KIF15: variants seen among roughly 807,000 people sequenced by gnomAD.
The protein encoded by KIF15 is kinesin-like protein KIF15.
A neutral mutation model predicts 190.6 loss-of-function variants in KIF15; 140 were observed. That is an observed-to-expected ratio of 0.73 (90% confidence interval 0.64 to 0.84). The LOEUF is 0.84. KIF15 is among the 40% of genes least tolerant of loss of function. The pLI is 0.00. For synonymous variants in KIF15, 528 were observed against 551.3 expected (o/e 0.96, Z 0.59); for missense variants, 1,372 against 1,584.4 (o/e 0.87, Z 2.28).
In KIF15 at chr3:44,802,813, G is replaced by C; in HGVS notation, c.1510-1G>C. The C allele has an allele frequency of 6.4e-7, 1 of 1,561,462 alleles. No individual in the cohort carries two copies. Among genetic ancestry groups the C allele is most frequent in the Non-Finnish European group, 8.6e-7 (1 of 1,161,776 alleles). On this transcript the variant is annotated splice_acceptor_variant, in intron 13 of 34. Transcript: ENST00000326047. LOFTEE classifies it high-confidence loss of function. Reference sequence around the variant, plus strand: ...ATGCGTGTAATTCTTCTATGTCACAGATAGAGCACCACCCCAGAGTTGCAA... The same window carrying C: ...ATGCGTGTAATTCTTCTATGTCACACATAGAGCACCACCCCAGAGTTGCAA...
intron 14 of KIF15, 39 bp from the exon 15 acceptor site, chr3:44,804,985 GAAA>G (rs375427715): frequency 4.2e-4 from 568 of 1,347,054 alleles, no homozygotes; most frequent in African/African-American, 1.4e-3. Flanking sequence ...CCCTGTCTCA[GAAA>G]AAAAAAAAAA....
chr3:44,799,762 T>TAAA lies in KIF15; in HGVS notation c.1099-537_1099-535dup, dbSNP rs767515029. Among the ~76,000 whole-genome samples the TAAA allele has an allele frequency of 1.1e-3, 121 of 110,276 alleles. 1 individual carries two copies. Among genetic ancestry groups the TAAA allele is most frequent in the Admixed American group, 1.8e-3 (20 of 10,966 alleles). The allele number at this position is 110,276 out of a possible 152,430, so 72.3% of individuals were successfully genotyped here. A position where few individuals can be genotyped will look rare whatever the true frequency, so the allele number is the denominator to read the frequency against. ...ATAATCATTTAGTGTGGTAAAAAAT[T>TAAA]AAAAAAAAAAAAAAAAAGGAAGTGT... On this transcript the variant is annotated intron_variant, in intron 10 of 34. Transcript: ENST00000326047.
At chr3:44,839,890 G>A (rs922122494) in intron 27 of KIF15, among the ~76,000 whole-genome samples, 17 of 152,134 alleles carry the variant, frequency 1.1e-4, no homozygotes, top group African/African-American at 4.1e-4. Context: ...ATTTCATTGT[G>A]TATATATATA....
Position 44,812,214 on chromosome 3 carries a change from TGAA to T in KIF15, c.2208_2210del (p.Glu737del). 1.2e-6 allele frequency: 2 copies of T among 1,614,072 alleles called. No homozygotes were observed. The highest frequency in any genetic ancestry group is 1.7e-6 in the Non-Finnish European group (2 of 1,179,998). On this transcript the variant is annotated inframe_deletion, in exon 18 of 35. Coordinates refer to ENST00000326047, the MANE Select transcript of KIF15 (RefSeq NM_020242.3). ...TGAGTGCTCTTCAAGCCAAACTGGA[TGAA>T]GAAGAGCATAAAAACCTAAAGCTTC...
chr3:44,827,095 C>A, intron 22 of KIF15: 1 of 454,946 alleles, frequency 2.2e-6, no homozygotes, highest in Admixed American at 2.4e-5. Flanking sequence ...ATCCAACAAG[C>A]CAGGCACTGA....
chr3:44,866,124 G>C (rs1007764893), intron 6 of KIF15, among the ~76,000 whole-genome samples: 1 of 149,446 alleles, frequency 6.7e-6, no homozygotes, highest in African/African-American at 2.5e-5. Context: ...CCAGGCTGGA[G>C]TGCAGTGGCG....
intron 5 of KIF15, among the ~76,000 whole-genome samples, chr3:44,782,345 A>C (rs1051405592): frequency 6.6e-6 from 1 of 152,242 alleles, no homozygotes; most frequent in Non-Finnish European, 1.5e-5. Context: ...TACAGGCAGA[A>C]GCCACTGCAC....
intron 7 of KIF15, among the ~76,000 whole-genome samples, chr3:44,792,065 A>ATC (rs112060223): frequency 0.58 from 88,281 of 151,054 alleles, 26,194 homozygotes; most frequent in East Asian, 0.89. Flanking sequence ...AGTTTGGAGG[A>ATC]TCTCTCTCTC....
At chr3:44,847,184 G>C (rs1698885371) in intron 30 of KIF15, among the ~76,000 whole-genome samples, 1 of 152,152 alleles carries the variant, frequency 6.6e-6, no homozygotes, top group South Asian at 2.1e-4. Flanking sequence ...TTTGTTAAGG[G>C]AAAGAAACCT....
chr3:44,865,458 T>C (rs1013673899), intron 6 of KIF15: 2 of 443,084 alleles, frequency 4.5e-6, no homozygotes, highest in Admixed American at 3.3e-5. Context: ...ATCCTGGGGT[T>C]GGTCTGCTTT....
At chr3:44,860,407 G>A (rs1037690384) in intron 6 of KIF15, among the ~76,000 whole-genome samples, 9 of 152,082 alleles carry the variant, frequency 5.9e-5, no homozygotes, top group African/African-American at 1.7e-4. Flanking sequence ...GCCTTACTCT[G>A]TCACCCAGGC....
chr3:44,829,509 GCA>G (rs1697878878), intron 24 of KIF15, among the ~76,000 whole-genome samples: 2 of 65,400 alleles, frequency 3.1e-5, no homozygotes, highest in Non-Finnish European at 2.8e-5. Flanking sequence ...TATAATATAC[GCA>G]TATATATTAT....
At chr3:44,830,869 C>T in intron 25 of KIF15, 27 bp from the exon 26 acceptor site, 2 of 1,602,930 alleles carry the variant, frequency 1.2e-6, no homozygotes, top group Non-Finnish European at 1.7e-6. Context: ...TAAAATGGCT[C>T]TTATAGCATG....
intron 20 of KIF15, among the ~76,000 whole-genome samples, chr3:44,823,433 T>C (rs1697466583): frequency 1.3e-5 from 2 of 152,314 alleles, no homozygotes; most frequent in South Asian, 2.1e-4. Flanking sequence ...CGGCCCCTAC[T>C]GGGAGGTTTA....
At position 44,802,010 on chromosome 3, in the gene KIF15, AAAG is replaced by A. The variant is rs772542618; in HGVS notation, c.1509+40_1509+42del. 1.3e-5 allele frequency: 18 copies of A among 1,412,448 alleles called. No individual in the cohort carries two copies. The African/African-American group carries it at 1.7e-4, about 13-fold the overall frequency. The allele number at this position is 1,412,448 out of a possible 1,614,324, so 87.5% of individuals were successfully genotyped here. A position where few individuals can be genotyped will look rare whatever the true frequency, so the allele number is the denominator to read the frequency against. On this transcript the variant is annotated intron_variant, in intron 13 of 34. Transcript: ENST00000326047. ...GGCATCTATAATATTTCTAAAAATA[AAAG>A]AAGTTCAAAGCAAATCTAAGTTTGT...
At chr3:44,862,370 G>A (rs1239819822) in intron 6 of KIF15, 1 of 156,902 alleles carries the variant, frequency 6.4e-6, no homozygotes, top group African/African-American at 2.4e-5. Flanking sequence ...GGTAAGAGAC[G>A]TCGGGGACTG....
intron 6 of KIF15, among the ~76,000 whole-genome samples, chr3:44,786,133 G>A (rs542801808): frequency 4.6e-5 from 7 of 152,258 alleles, no homozygotes; most frequent in African/African-American, 1.2e-4. Context: ...GAAGAATGGC[G>A]TGAACCTGGG....
At chr3:44,780,746 C>A (rs1406446212) in intron 4 of KIF15, 139 bp from the exon 5 acceptor site, 1 of 547,956 alleles carries the variant, frequency 1.8e-6, no homozygotes, top group Non-Finnish European at 3.1e-6. Context: ...AGATCATTCA[C>A]TTTTTATCTA....
intron 26 of KIF15, among the ~76,000 whole-genome samples, chr3:44,832,930 G>GT (rs562966827): frequency 0.019 from 2,802 of 151,076 alleles, 72 homozygotes; most frequent in African/African-American, 0.063. Flanking sequence ...CAGGAAAATG[G>GT]TTGCAGGAGG....
Sources: gnomAD v4.1 joint callset for allele counts (sites outside exome capture counted in the v4.1 genomes callset) on GRCh38, gnomAD v4.1.1 for gene constraint, MANE v1.5 for transcripts, NCBI Gene and HGNC (gene_info 2026-07-23, HGNC 2026-07-21) for gene names.